The following PHACTR1 variants were observed in gnomAD, a reference collection of about 807,000 sequenced individuals.
PHACTR1 encodes the protein phosphatase and actin regulator 1, also known as RPEL repeat containing 1.
In PHACTR1, 16 loss-of-function variants were observed where a neutral mutation model predicts 69.2. The ratio of observed to expected loss-of-function variants is 0.23; its 90% confidence interval spans 0.16 to 0.35. The LOEUF (loss-of-function observed/expected upper bound fraction) is 0.35, where lower values mean the gene tolerates loss of function less well. Among genes scored for constraint, PHACTR1 ranks in the 10% least tolerant of loss-of-function variants. The pLI is 1.00. For missense variants in PHACTR1, 510 were observed against 734.7 expected (o/e 0.69, Z 3.54); for synonymous variants, 312 against 284.5 (o/e 1.10, Z -0.97).
chr6:13,224,163 C>A (rs1401416199), intron 8 of PHACTR1, among the ~76,000 whole-genome samples: 4 of 152,146 alleles, frequency 2.6e-5, no homozygotes. Flanking sequence ...GTAATAGGAA[C>A]CAGATACAAA....
intron 4 of PHACTR1, among the ~76,000 whole-genome samples, chr6:12,918,447 A>G (rs1787259078): frequency 6.6e-6 from 1 of 152,232 alleles, no homozygotes; most frequent in African/African-American, 2.4e-5. Flanking sequence ...TACCTAGTGA[A>G]AGGACTTGAG....
At chr6:12,943,909 C>G (rs1268329583) in intron 4 of PHACTR1, among the ~76,000 whole-genome samples, 1 of 152,102 alleles carries the variant, frequency 6.6e-6, no homozygotes, top group African/African-American at 2.4e-5. Context: ...TGCATCTAGT[C>G]TTGGAATTTT....
intron 7 of PHACTR1, among the ~76,000 whole-genome samples, 162 bp downstream of exon 7, chr6:13,182,848 A>G (rs1185494632): frequency 2.6e-5 from 4 of 152,184 alleles, no homozygotes; most frequent in African/African-American, 9.7e-5. Context: ...CATACTGAGT[A>G]TTTTTAAAAA....
chr6:12,858,895 T>C (rs1780671767), intron 4 of PHACTR1, among the ~76,000 whole-genome samples: 2 of 152,120 alleles, frequency 1.3e-5, no homozygotes, highest in Admixed American at 6.5e-5. Flanking sequence ...TAATTTGCAT[T>C]TTTTCTATTG....
intron 5 of PHACTR1, among the ~76,000 whole-genome samples, chr6:13,119,398 G>A (rs1490222899): frequency 1.3e-5 from 2 of 152,204 alleles, no homozygotes; most frequent in Non-Finnish European, 2.9e-5. Context: ...ACATCAGAAA[G>A]CTACCGTATA....
At chr6:12,826,658 A>G (rs1776834569) in intron 4 of PHACTR1, among the ~76,000 whole-genome samples, 1 of 152,218 alleles carries the variant, frequency 6.6e-6, no homozygotes, top group Non-Finnish European at 1.5e-5. Context: ...TCATTACTTT[A>G]ATAGTAATAA....
At chr6:12,944,777 A>ATTTTTTT (rs757721726) in intron 4 of PHACTR1, among the ~76,000 whole-genome samples, 6 of 135,764 alleles carry the variant, frequency 4.4e-5, no homozygotes, top group African/African-American at 1.7e-4. Flanking sequence ...TTATTTATTT[A>ATTTTTTT]TTTTTATTTA....
At chr6:13,276,317 C>T (rs911683601) in intron 11 of PHACTR1, among the ~76,000 whole-genome samples, 16 of 152,172 alleles carry the variant, frequency 1.1e-4, no homozygotes, top group African/African-American at 3.6e-4. Flanking sequence ...GGTTGGGGGG[C>T]CAAATCAGGC....
intron 4 of PHACTR1, among the ~76,000 whole-genome samples, chr6:12,754,727 G>A (rs889859379): frequency 6.6e-6 from 1 of 152,240 alleles, no homozygotes; most frequent in African/African-American, 2.4e-5. Flanking sequence ...CAACCAACCA[G>A]GGATGGGACA....
intron 4 of PHACTR1, among the ~76,000 whole-genome samples, chr6:12,990,860 C>G (rs999623532): frequency 1.3e-5 from 2 of 152,050 alleles, no homozygotes; most frequent in African/African-American, 4.8e-5. Context: ...CCAGAGACGA[C>G]CGGGCTCCTC....
At chr6:13,215,423 G>A (rs1044751759) in intron 8 of PHACTR1, among the ~76,000 whole-genome samples, 1 of 152,206 alleles carries the variant, frequency 6.6e-6, no homozygotes, top group Non-Finnish European at 1.5e-5. Context: ...ATGGAGAGGA[G>A]AATGGGAATG....
At chr6:13,131,525 A>G (rs1820467154) in intron 5 of PHACTR1, among the ~76,000 whole-genome samples, 1 of 152,104 alleles carries the variant, frequency 6.6e-6, no homozygotes, top group South Asian at 2.1e-4. Flanking sequence ...GGGTGCACCA[A>G]AATCTCAATA....
intron 8 of PHACTR1, among the ~76,000 whole-genome samples, chr6:13,207,055 ACACACATGCATG>A (rs1347715728): frequency 6.6e-6 from 1 of 152,226 alleles, no homozygotes; most frequent in Non-Finnish European, 1.5e-5. Context: ...ATGTACACAC[ACACACATGCATG>A]CACACATGCA....
intron 3 of PHACTR1, among the ~76,000 whole-genome samples, chr6:12,738,788 C>G (rs545174922): frequency 1.3e-5 from 2 of 152,142 alleles, no homozygotes; most frequent in Non-Finnish European, 2.9e-5. Flanking sequence ...CCCCTTGAAC[C>G]TGGGAGGCGG....
intron 4 of PHACTR1, among the ~76,000 whole-genome samples, chr6:12,839,089 G>A (rs894186328): frequency 6.6e-6 from 1 of 152,102 alleles, no homozygotes; most frequent in Non-Finnish European, 1.5e-5. Context: ...ATGTAGAAAC[G>A]GCCTTAGAGA....
intron 4 of PHACTR1, among the ~76,000 whole-genome samples, chr6:12,949,127 T>C (rs1790995782): frequency 6.6e-6 from 1 of 151,886 alleles, no homozygotes; most frequent in South Asian, 2.1e-4. Context: ...AAAATTAGCC[T>C]GGTGTAGCAG....
chr6:12,881,523 G>A (rs539966570), intron 4 of PHACTR1, among the ~76,000 whole-genome samples: 15 of 152,230 alleles, frequency 9.9e-5, no homozygotes, highest in South Asian at 2.1e-4. Flanking sequence ...AGACATGCCC[G>A]TGATTGGCTC....
intron 5 of PHACTR1, among the ~76,000 whole-genome samples, chr6:13,064,823 G>A (rs1419697276): frequency 6.6e-6 from 1 of 150,636 alleles, no homozygotes; most frequent in Non-Finnish European, 1.5e-5. Flanking sequence ...CTCAAGGAAC[G>A]CAAAAAGTCA....
rs115201941 is a variant in PHACTR1 at position 13,046,846 on chromosome 6, C to T, written c.251-6519C>T. Among the ~76,000 whole-genome samples the T allele has an allele frequency of 8.2e-4, 125 of 151,902 alleles. 1 individual carries two copies. Among genetic ancestry groups the T allele is most frequent in the African/African-American group, 2.9e-3 (119 of 41,450 alleles). ...AAATCAAAAAACAACAACAAAAAATCTTCTAGTTAATCAATTCTAGGTTGT... is the reference window on the plus strand; with the variant it reads ...AAATCAAAAAACAACAACAAAAAATTTTCTAGTTAATCAATTCTAGGTTGT... On this transcript the variant is annotated intron_variant, in intron 4 of 14. Transcript: ENST00000332995.
Sources: gnomAD v4.1 joint callset for allele counts (sites outside exome capture counted in the v4.1 genomes callset) on GRCh38, gnomAD v4.1.1 for gene constraint, MANE v1.5 for transcripts, NCBI Gene and HGNC (gene_info 2026-07-23, HGNC 2026-07-21) for gene names.